The following STK10 variants were observed in gnomAD, a reference collection of about 807,000 sequenced individuals.
STK10 encodes the protein serine/threonine kinase 10.
In STK10, 78 loss-of-function variants were observed where a neutral mutation model predicts 113.8. The ratio of observed to expected loss-of-function variants is 0.69; its 90% CI spans 0.57 to 0.83. The LOEUF is 0.83. Among genes scored for constraint, STK10 ranks in the 40% least tolerant of loss-of-function variants. The pLI is 0.00. For missense variants in STK10, 1,109 were observed against 1,280.1 expected (o/e 0.87, Z 2.04); for synonymous variants, 465 against 494.7 (o/e 0.94, Z 0.80).
At chr5:172,130,490 C>T (rs1169374641) in intron 2 of STK10, among the ~76,000 whole-genome samples, 1 of 151,018 alleles carries the variant, frequency 6.6e-6, no homozygotes, top group African/African-American at 2.4e-5. Flanking sequence ...GAGATCACAC[C>T]ACAGCATTCC....
intron 2 of STK10, among the ~76,000 whole-genome samples, chr5:172,131,934 C>G (rs1287230337): frequency 6.6e-6 from 1 of 152,210 alleles, no homozygotes; most frequent in Non-Finnish European, 1.5e-5. Flanking sequence ...TATAAAAGGG[C>G]TAGAGGCTGT....
At chr5:172,112,975 C>T (rs1769273029) in intron 4 of STK10, among the ~76,000 whole-genome samples, 1 of 151,906 alleles carries the variant, frequency 6.6e-6, no homozygotes, top group Admixed American at 6.6e-5. Context: ...CTCAAAATCC[C>T]GACCTCAGGT....
intron 12 of STK10, among the ~76,000 whole-genome samples, chr5:172,072,916 T>A (rs903671033): frequency 6.6e-6 from 1 of 152,244 alleles, no homozygotes; most frequent in East Asian, 1.9e-4. Flanking sequence ...TTTAACAAGA[T>A]TGCAGTACAA....
chr5:172,090,128 C>T (rs1336992160), intron 10 of STK10, 104 bp downstream of exon 10: 1 of 1,501,510 alleles, frequency 6.7e-7, no homozygotes, highest in Non-Finnish European at 9.0e-7. Flanking sequence ...GATTCCCCCA[C>T]TTCATGCTGT....
In STK10 at chr5:172,127,360, A is replaced by C; in HGVS notation, c.370+13T>G. 1 of 1,613,770 alleles carries C rather than the reference A, an allele frequency of 6.2e-7. No homozygotes were observed. The highest frequency in any genetic ancestry group is 8.5e-7 in the Non-Finnish European group (1 of 1,179,774). On this transcript the variant is annotated intron_variant, in intron 3 of 18. Coordinates refer to ENST00000176763, the MANE Select transcript of STK10 (RefSeq NM_005990.4). The stretch of plus-strand genomic sequence containing the variant: ...TCTGGTCCCGACAATGCACCGAATC[A>C]AGTAAGACTCACCCAGCATGATGGC...
rs181320506 is a variant in STK10 at position 172,096,985 on chromosome 5, T to C, written c.871-425A>G. The stretch of plus-strand genomic sequence containing the variant: ...TAATATATAGTTTTATAAAATATGC[T>C]ACATACATTTTGTTGAGGAATAACA... On this transcript the variant is annotated intron_variant, in intron 7 of 18. Coordinates refer to ENST00000176763, the MANE Select transcript of STK10 (RefSeq NM_005990.4). Among the ~76,000 whole-genome samples, 82 of 152,382 alleles carry C rather than the reference T, an allele frequency of 5.4e-4. 1 individual carries two copies. The East Asian group carries it at 0.015, about 28-fold the overall frequency.
intron 3 of STK10, among the ~76,000 whole-genome samples, chr5:172,121,873 T>TTTA (rs1024463489): frequency 6.5e-4 from 4 of 6,198 alleles, no homozygotes; most frequent in Non-Finnish European, 1.7e-3. Flanking sequence ...GCTAATATAC[T>TTTA]TTTTTTTTTT....
chr5:172,156,708 G>C lies in STK10; in HGVS notation c.237C>G (p.Ile79Met), dbSNP rs767967777. ...TKSEEELEDYIVEIEILATCD... is the reference protein window; with the variant it reads ...TKSEEELEDYMVEIEILATCD... ...AGGTGGCCAGGATCTCAATCTCCACGATGTAGTCCTCCAGCTCCTCCTCAC... is the reference window on the plus strand; with the variant it reads ...AGGTGGCCAGGATCTCAATCTCCACCATGTAGTCCTCCAGCTCCTCCTCAC... Residue 79 changes from isoleucine (I) to methionine (M), a missense_variant, in exon 2 of 19, where the codon ATC (isoleucine) becomes ATG (methionine). Coordinates refer to ENST00000176763, the MANE Select transcript of STK10 (RefSeq NM_005990.4). 1.9e-6 allele frequency: 3 copies of C among 1,614,066 alleles called. No individual in the cohort carries two copies. The African/African-American group carries it at 4.0e-5, about 22-fold the overall frequency.
intron 4 of STK10, among the ~76,000 whole-genome samples, chr5:172,115,544 A>G (rs1769363412): frequency 6.6e-6 from 1 of 152,054 alleles, no homozygotes; most frequent in Non-Finnish European, 1.5e-5. Context: ...TTCTTCTCCA[A>G]TTTGGCTCCA....
intron 12 of STK10, among the ~76,000 whole-genome samples, chr5:172,081,780 C>T (rs778990433): frequency 2.0e-5 from 3 of 152,166 alleles, no homozygotes; most frequent in Non-Finnish European, 4.4e-5. Context: ...CTGCTTGTCT[C>T]CTTCCTCCAC....
rs6555985 is a variant in STK10 at position 172,042,597 on chromosome 5, T to C, written c.*2285A>G. 0.17 allele frequency: 25,532 copies of C among 152,084 alleles called. 3,963 individuals are homozygous for C. Among genetic ancestry groups the C allele is most frequent in the African/African-American group, 0.42 (17,331 of 41,308 alleles). The allele number at this position is 152,084 out of a possible 1,614,324, so 9.4% of individuals were successfully genotyped here. On this transcript the variant is annotated 3_prime_UTR_variant, in exon 19 of 19. Transcript: ENST00000176763. ...CAAAGCCCAAAGCAGCCCTGTCTGG[T>C]GGTTCCCAACGCTGGCCTGGCCTGG...
chr5:172,114,754 A>AT (rs1339159426), intron 4 of STK10: 1 of 151,792 alleles, frequency 6.6e-6, no homozygotes, highest in Admixed American at 6.6e-5. Flanking sequence ...AAGTGCTGGG[A>AT]TTACAGGCGT....
At chr5:172,083,217 A>T in intron 10 of STK10, 133 bp from the exon 11 acceptor site, 1 of 1,088,674 alleles carries the variant, frequency 9.2e-7, no homozygotes. Context: ...GCATGACTAG[A>T]ACTCAGGCTT....
intron 2 of STK10, among the ~76,000 whole-genome samples, chr5:172,151,346 C>CTT (rs1214755611): frequency 1.4e-5 from 2 of 145,350 alleles, no homozygotes; most frequent in African/African-American, 2.5e-5. Flanking sequence ...TTTTCTTTTT[C>CTT]TTTTTTTTTT....
At chr5:172,094,406 A>C (rs992773443) in intron 8 of STK10, among the ~76,000 whole-genome samples, 6 of 152,132 alleles carry the variant, frequency 3.9e-5, no homozygotes, top group African/African-American at 1.4e-4. Context: ...TCTGTCACCC[A>C]GGCTGGAGTG....
chr5:172,044,612 C>A lies in STK10; in HGVS notation c.*270G>T. On this transcript the variant is annotated 3_prime_UTR_variant, in exon 19 of 19. Transcript: ENST00000176763. The surrounding 1 kb of genome is among the most constrained non-coding windows in gnomAD (Gnocchi z 4.5). ...CCCTGACCCCACCAACAGCCCCATC[C>A]CTTCCAGCTTGAAGGGATCTGGGGC... 1.9e-6 allele frequency: 1 copy of A among 530,398 alleles called. No homozygotes were observed. Among genetic ancestry groups the A allele is most frequent in the Non-Finnish European group, 3.4e-6 (1 of 295,726 alleles). 32.9% of individuals were successfully genotyped at this position (530,398 alleles called of 1,614,324 possible).
intron 12 of STK10, among the ~76,000 whole-genome samples, chr5:172,078,619 T>TAAAAAAAAAAAAAAAAAA (rs58823824): frequency 2.7e-5 from 2 of 72,822 alleles, no homozygotes; most frequent in African/African-American, 3.7e-5. Context: ...GCCTCATCAT[T>TAAAAAAAAAAAAAAAAAA]AAAAAAAAAA....
intron 2 of STK10, among the ~76,000 whole-genome samples, chr5:172,136,738 G>T (rs1165907276): frequency 6.6e-6 from 1 of 152,100 alleles, no homozygotes; most frequent in East Asian, 1.9e-4. Flanking sequence ...AAAAATCATG[G>T]AGGAGATGTG....
At chr5:172,089,284 G>T (rs1768634625) in intron 10 of STK10, among the ~76,000 whole-genome samples, 1 of 152,216 alleles carries the variant, frequency 6.6e-6, no homozygotes, top group African/African-American at 2.4e-5. Flanking sequence ...CACAATCAGG[G>T]ATTATCTTGT....
Sources: allele counts gnomAD v4.1 joint callset (sites outside exome capture counted in the v4.1 genomes callset), GRCh38; gene constraint gnomAD v4.1.1; non-coding constraint Gnocchi (gnomAD v3.1); transcripts MANE v1.5; gene names NCBI Gene and HGNC (gene_info 2026-07-23, HGNC 2026-07-21).